The following MLLT10 variants were observed in gnomAD, a reference collection of about 807,000 sequenced individuals.
MLLT10 encodes the protein MLLT10 histone lysine methyltransferase DOT1L cofactor.
MLLT10 carries 30 observed loss-of-function variants against 129.1 expected under a neutral mutation model. The ratio of observed to expected loss-of-function variants is 0.23; its 90% confidence interval spans 0.17 to 0.32. The LOEUF (loss-of-function observed/expected upper bound fraction) is 0.32, where lower values mean the gene tolerates loss of function less well. Ranked by LOEUF, MLLT10 falls within the 10% of genes least tolerant of loss-of-function variation. MLLT10 has a pLI of 1.00. For synonymous variants in MLLT10, 490 were observed against 446.4 expected (o/e 1.10, Z -1.23); for missense variants, 1,119 against 1,268.3 (o/e 0.88, Z 1.79).
intron 9 of MLLT10, among the ~76,000 whole-genome samples, chr10:21,660,526 G>T (rs1294758052): frequency 6.9e-6 from 1 of 145,422 alleles, no homozygotes; most frequent in Non-Finnish European, 1.5e-5. Context: ...TGAGGCAGGA[G>T]AAGCACTTGA....
At chr10:21,534,182 A>C, upstream of MLLT10, 1 of 385,434 alleles carries the variant, frequency 2.6e-6, no homozygotes, top group Non-Finnish European at 4.6e-6. Context: ...GCGCGCACGC[A>C]GGGCTAGCCT....
intron 3 of MLLT10, among the ~76,000 whole-genome samples, chr10:21,561,433 G>A (rs1168982250): frequency 6.6e-6 from 1 of 152,060 alleles, no homozygotes; most frequent in Non-Finnish European, 1.5e-5. Flanking sequence ...GCTAATTTTT[G>A]TATTTTTAGT....
intron 8 of MLLT10, among the ~76,000 whole-genome samples, chr10:21,619,050 A>G (rs2045554800): frequency 6.6e-6 from 1 of 151,736 alleles, no homozygotes; most frequent in Admixed American, 6.6e-5. Flanking sequence ...ACACACACAC[A>G]CACACACACA....
chr10:21,656,795 G>T (rs1034206859), intron 9 of MLLT10, among the ~76,000 whole-genome samples: 1 of 152,102 alleles, frequency 6.6e-6, no homozygotes, highest in African/African-American at 2.4e-5. Flanking sequence ...CATAAGCATT[G>T]TTCACTAAGA....
At chr10:21,685,784 A>C (rs1386500433) in intron 13 of MLLT10, among the ~76,000 whole-genome samples, 1 of 152,244 alleles carries the variant, frequency 6.6e-6, no homozygotes. Context: ...ACAAAGTTTA[A>C]TTCCCAAAGA....
Position 21,735,187 on chromosome 10 carries a change from TCATCAACAG to T in MLLT10, c.2910_2918del (p.His970_Gln972del). 6.2e-7 allele frequency: 1 copy of T among 1,614,012 alleles called. No homozygotes were observed. Among genetic ancestry groups the T allele is most frequent in the Non-Finnish European group, 8.5e-7 (1 of 1,179,996 alleles). On this transcript the variant is annotated inframe_deletion, in exon 21 of 23. Transcript: ENST00000307729. ...CTGACCAGCAACGACAAATACTTAT[TCATCAACAG>T]CAGTTTCAGCAGTTGTTAAATTCTC...
chr10:21,588,227 C>T (rs1328466855), intron 4 of MLLT10, among the ~76,000 whole-genome samples: 6 of 151,866 alleles, frequency 4.0e-5, no homozygotes, highest in East Asian at 3.9e-4. Flanking sequence ...CCACCACGCC[C>T]GGCTAATTTT....
intron 13 of MLLT10, among the ~76,000 whole-genome samples, chr10:21,695,501 C>A (rs779531877): frequency 6.6e-5 from 10 of 152,134 alleles, no homozygotes; most frequent in Non-Finnish European, 1.5e-4. Flanking sequence ...CTGTGTTCTT[C>A]TTTTTTATAT....
chr10:21,688,842 A>G, intron 13 of MLLT10, among the ~76,000 whole-genome samples: 1 of 152,084 alleles, frequency 6.6e-6, no homozygotes, highest in Non-Finnish European at 1.5e-5. Context: ...CACTTTGTAC[A>G]CCTGTGTCCC....
intron 21 of MLLT10, among the ~76,000 whole-genome samples, chr10:21,737,927 C>T (rs755029458): frequency 6.6e-6 from 1 of 152,118 alleles, no homozygotes; most frequent in Admixed American, 6.5e-5. Context: ...CATTTTCAGT[C>T]TGTTTTTAGA....
Position 21,740,208 on chromosome 10 carries a change from A to T in MLLT10, c.3134A>T (p.His1045Leu), listed in dbSNP as rs2058710988. ...ACCACCAACCCATTTCTCACCATCC[A>T]TGGAGATAATGCAAGTCAGAAAGTA... ...TATTNPFLTI[H>L]GDNASQKVAR... The change falls in exon 22 of 23, where the codon CAT (histidine) becomes CTT (leucine). Residue 1045 changes from histidine to leucine, a missense_variant. Physicochemically the swap from His to Leu is moderately conservative, Grantham distance 99. This residue lies in a region of MLLT10 where 1,004 missense variants were observed against 1,008.7 expected (regional missense o/e 1.00). Coordinates refer to ENST00000307729, the MANE Select transcript of MLLT10 (RefSeq NM_001195626.3). The T allele has an allele frequency of 1.2e-6, 2 of 1,614,016 alleles. No homozygotes were observed. Among genetic ancestry groups the T allele is most frequent in the Admixed American group, 3.3e-5 (2 of 60,004 alleles).
At chr10:21,716,435 G>A (rs553668835) in intron 14 of MLLT10, among the ~76,000 whole-genome samples, 1 of 152,300 alleles carries the variant, frequency 6.6e-6, no homozygotes, top group Non-Finnish European at 1.5e-5. Context: ...GCTCATGCCT[G>A]TAATCCCAGC....
chr10:21,715,674 A>G (rs1354586679), intron 14 of MLLT10, among the ~76,000 whole-genome samples: 1 of 152,046 alleles, frequency 6.6e-6, no homozygotes, highest in African/African-American at 2.4e-5. Flanking sequence ...CTTCTCATTC[A>G]TTATGTCTGT....
intron 8 of MLLT10, among the ~76,000 whole-genome samples, chr10:21,621,274 T>G (rs760357308): frequency 1.4e-5 from 2 of 142,692 alleles, no homozygotes; most frequent in South Asian, 2.3e-4. Context: ...AGACGGAGTC[T>G]CGCTCTGTTG....
chr10:21,534,194 G>T, upstream of MLLT10: 3 of 392,302 alleles, frequency 7.6e-6, no homozygotes, highest in Non-Finnish European at 9.0e-6. Flanking sequence ...GGCTAGCCTC[G>T]CCCAGGCCTC....
intron 8 of MLLT10, among the ~76,000 whole-genome samples, chr10:21,649,174 C>T (rs993999175): frequency 6.6e-6 from 1 of 152,212 alleles, no homozygotes; most frequent in Non-Finnish European, 1.5e-5. Flanking sequence ...CTTCCAGGCT[C>T]AAGCAATCCT....
intron 9 of MLLT10, among the ~76,000 whole-genome samples, chr10:21,661,461 A>G (rs562825789): frequency 6.6e-6 from 1 of 152,306 alleles, no homozygotes; most frequent in African/African-American, 2.4e-5. Context: ...ATACACATTA[A>G]GGATTGTTAT....
intron 9 of MLLT10, among the ~76,000 whole-genome samples, chr10:21,656,218 T>C (rs138232625): frequency 1.3e-5 from 2 of 152,286 alleles, no homozygotes; most frequent in African/African-American, 4.8e-5. Context: ...CACACTCTTA[T>C]CTTCTCTTGA....
chr10:21,561,454 T>A (rs987760859), intron 3 of MLLT10, among the ~76,000 whole-genome samples: 5 of 152,022 alleles, frequency 3.3e-5, no homozygotes, highest in African/African-American at 1.2e-4. Context: ...AGAGACAGGG[T>A]TTTACCATGT....
Sources: gnomAD v4.1 joint callset for allele counts (sites outside exome capture counted in the v4.1 genomes callset) on GRCh38, gnomAD v4.1.1 for gene constraint, gnomAD v4.1.1 regional missense constraint, MANE v1.5 for transcripts, NCBI Gene and HGNC (gene_info 2026-07-23, HGNC 2026-07-21) for gene names.